The following PIEZO2 variants were observed in gnomAD, a reference collection of about 807,000 sequenced individuals.
PIEZO2 encodes piezo-type mechanosensitive ion channel component 2.
In PIEZO2, 172 loss-of-function variants were observed where a neutral mutation model predicts 337.3. The observed-to-expected ratio is 0.51, with a 90% CI of 0.45 to 0.58. The LOEUF is 0.58. Among genes scored for constraint, PIEZO2 ranks in the 20% least tolerant of loss-of-function variants. The probability of loss-of-function intolerance (pLI) is 0.00; values close to 1 mark genes in which losing one functional copy is unlikely to be tolerated. For missense variants in PIEZO2, 3,028 were observed against 3,391.3 expected, an observed-to-expected ratio of 0.89 and a Z score of 2.66; for synonymous variants, 1,251 against 1,228.5, an observed-to-expected ratio of 1.02 and a Z score of -0.38.
intron 2 of PIEZO2, among the ~76,000 whole-genome samples, chr18:11,051,366 T>TGTGTGTGTGTGG (rs1210916528): frequency 6.0e-5 from 9 of 150,004 alleles, no homozygotes; most frequent in Non-Finnish European, 6.0e-5. Flanking sequence ...TGTGTGTGTG[T>TGTGTGTGTGTGG]GTGGGTGTGG....
chr18:10,791,343 C>G lies in PIEZO2; in HGVS notation c.1759-19G>C. 2 of 1,471,430 alleles carry G rather than the reference C, an allele frequency of 1.4e-6. No homozygotes were observed. The highest frequency in any genetic ancestry group is 1.8e-6 in the Non-Finnish European group (2 of 1,114,748). The allele number at this position is 1,471,430 out of a possible 1,614,324, so 91.1% of individuals were successfully genotyped here. A position where few individuals can be genotyped will look rare whatever the true frequency, so the allele number is the denominator to read the frequency against. The stretch of plus-strand genomic sequence containing the variant: ...AAAGGATCTGAAAGTAGAGAAGCAG[C>G]AAAACAAGAATTAAGCAACCATTTG... On this transcript the variant is annotated intron_variant, in intron 13 of 55. Coordinates refer to ENST00000674853, the MANE Select transcript of PIEZO2 (RefSeq NM_001378183.1).
chr18:10,763,113 C>T lies in PIEZO2; in HGVS notation c.2947-15G>A, dbSNP rs1308789421. 1.8e-5 allele frequency: 27 copies of T among 1,535,174 alleles called. No individual in the cohort carries two copies. The highest frequency in any genetic ancestry group is 8.2e-5 in the African/African-American group (6 of 72,968). On this transcript the variant is annotated splice_polypyrimidine_tract_variant and intron_variant, in intron 21 of 55. Coordinates refer to ENST00000674853, the MANE Select transcript of PIEZO2 (RefSeq NM_001378183.1). ...AACAGAGACACCTGAAAACGTAAAA[C>T]CAGAAATGGGGACAAAAATACGTAA...
chr18:11,100,696 C>T (rs373870836), intron 1 of PIEZO2, among the ~76,000 whole-genome samples: 20 of 152,100 alleles, frequency 1.3e-4, no homozygotes, highest in South Asian at 2.1e-4. Context: ...CCCGGGTTCA[C>T]GCCATTCTCC....
intron 3 of PIEZO2, among the ~76,000 whole-genome samples, chr18:10,951,675 C>A (rs528511379): frequency 6.6e-6 from 1 of 152,294 alleles, no homozygotes; most frequent in Non-Finnish European, 1.5e-5. Context: ...GAACTTTAAT[C>A]ATTCTTTTGG....
At chr18:11,095,894 G>C (rs1435393172) in intron 1 of PIEZO2, among the ~76,000 whole-genome samples, 2 of 151,996 alleles carry the variant, frequency 1.3e-5, no homozygotes, top group Non-Finnish European at 2.9e-5. Context: ...CCCAGCTGTT[G>C]AGTAAGGCCT....
At chr18:10,900,636 C>T (rs548148212) in intron 4 of PIEZO2, among the ~76,000 whole-genome samples, 6 of 152,280 alleles carry the variant, frequency 3.9e-5, no homozygotes, top group African/African-American at 1.2e-4. Context: ...CCTATCAGTG[C>T]CTAAGGTGAC....
intron 34 of PIEZO2, 110 bp downstream of exon 34, chr18:10,736,494 G>A (rs532070199): frequency 1.9e-5 from 26 of 1,401,254 alleles, no homozygotes; most frequent in Admixed American, 1.1e-4. Flanking sequence ...CAGAAGCTTC[G>A]GGGAGCTATG....
chr18:11,015,337 G>T (rs543114502), intron 2 of PIEZO2, among the ~76,000 whole-genome samples: 1 of 152,084 alleles, frequency 6.6e-6, no homozygotes, highest in South Asian at 2.1e-4. Flanking sequence ...TCAGTATGGG[G>T]CATGCCACCC....
chr18:10,731,177 TTATATATATATATA>T (rs60508630), intron 36 of PIEZO2, among the ~76,000 whole-genome samples: 89 of 35,236 alleles, frequency 2.5e-3, no homozygotes, highest in African/African-American at 7.6e-3. Flanking sequence ...ACTTAAAAGA[TTATATATATATATA>T]TATATATATA....
At position 10,731,524 on chromosome 18, in the gene PIEZO2, GAAGGGAGA is replaced by G. The variant is rs2036787247; in HGVS notation, c.4915-11_4915-4del. On this transcript the variant is annotated splice_polypyrimidine_tract_variant and splice_region_variant and intron_variant, in intron 35 of 55. Coordinates refer to ENST00000674853, the MANE Select transcript of PIEZO2 (RefSeq NM_001378183.1). Reference sequence around the variant, plus strand: ...GTAATCCAGGCTTGATAAACAAACTGAAGGGAGAAAGTTCAATTATTTTCTGGCCTTTT... The same window carrying G: ...GTAATCCAGGCTTGATAAACAAACTGAAGTTCAATTATTTTCTGGCCTTTT... The G allele has an allele frequency of 6.7e-7, 1 of 1,500,708 alleles. No homozygotes were observed. The highest frequency in any genetic ancestry group is 1.4e-5 in the African/African-American group (1 of 71,206). The allele number at this position is 1,500,708 out of a possible 1,614,324, so 93.0% of individuals were successfully genotyped here.
At position 10,940,745 on chromosome 18, in the gene PIEZO2, C is replaced by T. The variant is rs2032683107; in HGVS notation, c.287-29517G>A. On this transcript the variant is annotated intron_variant, in intron 3 of 55. Coordinates refer to ENST00000674853, the MANE Select transcript of PIEZO2 (RefSeq NM_001378183.1). This position sits in a 1 kb window ranked among gnomAD's most constrained non-coding sequence, Gnocchi z 5.3. ...GGCATGGTGGCTCGCGCCTGTAGTC[C>T]CAGCTACTGGGGAGGCTGAGGCAGA... Among the ~76,000 whole-genome samples the T allele has an allele frequency of 6.6e-6, 1 of 152,102 alleles. No homozygotes were observed. Among genetic ancestry groups the T allele is most frequent in the African/African-American group, 2.4e-5 (1 of 41,402 alleles).
chr18:11,071,821 G>T (rs2038348806), intron 1 of PIEZO2, among the ~76,000 whole-genome samples: 1 of 152,170 alleles, frequency 6.6e-6, no homozygotes, highest in Admixed American at 6.5e-5. Context: ...ATCATGCCAG[G>T]CCTTGCAAGG....
chr18:11,123,179 T>C (rs1347713299), intron 1 of PIEZO2, among the ~76,000 whole-genome samples: 2 of 152,222 alleles, frequency 1.3e-5, no homozygotes, highest in African/African-American at 4.8e-5. Flanking sequence ...CTATGGGTTA[T>C]GCATATGGTT....
At chr18:11,055,034 A>G (rs1400756370) in intron 2 of PIEZO2, among the ~76,000 whole-genome samples, 2 of 151,616 alleles carry the variant, frequency 1.3e-5, no homozygotes, top group Non-Finnish European at 2.9e-5. Flanking sequence ...ACACGGTGAA[A>G]CCCCGTCTCT....
chr18:11,019,061 G>GTTC (rs2036222740), intron 2 of PIEZO2, among the ~76,000 whole-genome samples: 1 of 152,038 alleles, frequency 6.6e-6, no homozygotes, highest in Non-Finnish European at 1.5e-5. Context: ...AACCCTGCTG[G>GTTC]TTCTTACCTC....
intron 16 of PIEZO2, among the ~76,000 whole-genome samples, chr18:10,786,434 G>T (rs1255681444): frequency 2.6e-5 from 4 of 152,154 alleles, no homozygotes; most frequent in African/African-American, 9.7e-5. Flanking sequence ...TCCCTTCTAA[G>T]GGACAGAGAC....
chr18:10,897,096 G>A lies in PIEZO2; in HGVS notation c.329+14090C>T, dbSNP rs115731663. Among the ~76,000 whole-genome samples, 182 of 152,272 alleles carry A rather than the reference G, an allele frequency of 1.2e-3. 1 individual carries two copies. Among genetic ancestry groups the A allele is most frequent in the African/African-American group, 4.1e-3 (169 of 41,562 alleles). On this transcript the variant is annotated intron_variant, in intron 4 of 55. Coordinates refer to ENST00000674853, the MANE Select transcript of PIEZO2 (RefSeq NM_001378183.1). The stretch of plus-strand genomic sequence containing the variant: ...CTCTGATAACCACACTGCTAATAGT[G>A]TTGTGGGAGGAACCCGGTGAGGGAT...
At chr18:11,036,349 C>T (rs930517960) in intron 2 of PIEZO2, among the ~76,000 whole-genome samples, 5 of 152,106 alleles carry the variant, frequency 3.3e-5, no homozygotes, top group African/African-American at 1.2e-4. Flanking sequence ...TGTTTTTCAT[C>T]TTAGGGACTC....
intron 38 of PIEZO2, among the ~76,000 whole-genome samples, chr18:10,715,180 A>T (rs1311915553): frequency 6.6e-6 from 1 of 152,248 alleles, no homozygotes; most frequent in Non-Finnish European, 1.5e-5. Flanking sequence ...CAAGATATGA[A>T]CTATTATTTT....
Sources: gnomAD v4.1 joint callset for allele counts (sites outside exome capture counted in the v4.1 genomes callset) on GRCh38, gnomAD v4.1.1 for gene constraint, Gnocchi (gnomAD v3.1) non-coding constraint, MANE v1.5 for transcripts, NCBI Gene and HGNC (gene_info 2026-07-23, HGNC 2026-07-21) for gene names.